The following NDUFA10 variants were observed in gnomAD, a reference collection of about 807,000 sequenced individuals.
NDUFA10 encodes NADH dehydrogenase [ubiquinone] 1 alpha subcomplex subunit 10, mitochondrial.
In NDUFA10, 40 loss-of-function variants were observed where a neutral mutation model predicts 47.8. The ratio of observed to expected loss-of-function variants is 0.84; its 90% CI spans 0.65 to 1.09. The LOEUF is 1.09. Among genes scored for constraint, NDUFA10 ranks in the 50% least tolerant of loss-of-function variants. The pLI, the probability that NDUFA10 is intolerant of heterozygous loss-of-function variation, is 0.00. For synonymous variants in NDUFA10, 183 were observed against 172.2 expected (o/e 1.06, Z -0.49); for missense variants, 413 against 451.1 (o/e 0.92, Z 0.76).
intron 8 of NDUFA10, among the ~76,000 whole-genome samples, chr2:239,991,528 G>A (rs1319450311): frequency 1.3e-5 from 2 of 152,184 alleles, no homozygotes; most frequent in East Asian, 3.8e-4. Context: ...AAGCAAAACA[G>A]AAAGTTTGTG....
intron 9 of NDUFA10, among the ~76,000 whole-genome samples, chr2:239,965,320 C>A (rs975645504): frequency 7.2e-5 from 11 of 152,022 alleles, no homozygotes; most frequent in African/African-American, 2.7e-4. Flanking sequence ...GGGAGGGGTT[C>A]ATTTGCAGCA....
chr2:239,955,575 G>T (rs971081027), downstream of NDUFA10, among the ~76,000 whole-genome samples: 11 of 152,154 alleles, frequency 7.2e-5, no homozygotes, highest in Non-Finnish European at 1.6e-4. Flanking sequence ...GTTGGCACGC[G>T]AGGCAAAAGG....
intron 3 of NDUFA10, among the ~76,000 whole-genome samples, chr2:240,020,587 T>C (rs962702142): frequency 1.3e-5 from 2 of 152,196 alleles, no homozygotes; most frequent in Non-Finnish European, 2.9e-5. Flanking sequence ...CTCCTAACTA[T>C]ACTTTCTGAT....
chr2:240,022,300 C>G lies in NDUFA10; in HGVS notation c.116G>C (p.Gly39Ala). The G allele has an allele frequency of 6.2e-7, 1 of 1,614,060 alleles. No individual in the cohort carries two copies. Among genetic ancestry groups the G allele is most frequent in the Non-Finnish European group, 8.5e-7 (1 of 1,180,014 alleles). ...HSSVQCKLRYGMWHFLLGDKA... is the reference protein window; with the variant it reads ...HSSVQCKLRYAMWHFLLGDKA... ...ATCCCCAAGTAGGAAATGCCACATT[C>G]CATAGCGCAGTTTGCACTGCACACT... The change falls in exon 2 of 10, where the codon GGA (glycine) becomes GCA (alanine). Residue 39 changes from glycine (G) to alanine (A), a missense_variant. Coordinates refer to ENST00000252711, the MANE Select transcript of NDUFA10 (RefSeq NM_004544.4).
chr2:239,931,591 G>T (rs1694175267), intron 4 of NDUFA10, among the ~76,000 whole-genome samples: 1 of 152,204 alleles, frequency 6.6e-6, no homozygotes, highest in Admixed American at 6.5e-5. Context: ...GTGCCCTCCA[G>T]ATCTCCAAGC....
At chr2:239,980,972 G>A (rs949540134) in intron 9 of NDUFA10, among the ~76,000 whole-genome samples, 1 of 152,198 alleles carries the variant, frequency 6.6e-6, no homozygotes, top group Non-Finnish European at 1.5e-5. Context: ...TCTCCACACA[G>A]GTTCGAGGGT....
At chr2:240,010,740 T>A (rs1021799114) in intron 6 of NDUFA10, among the ~76,000 whole-genome samples, 2 of 152,188 alleles carry the variant, frequency 1.3e-5, no homozygotes, top group East Asian at 3.8e-4. Context: ...ACTTTTGATT[T>A]TATTATTACC....
rs144590599 is a variant in NDUFA10, at chr2:239,959,203, C to T, written c.*1915G>A. On this transcript the variant is annotated 3_prime_UTR_variant, in exon 10 of 10. Coordinates refer to ENST00000252711, the MANE Select transcript of NDUFA10 (RefSeq NM_004544.4). ...AACCACACAGGGTCAGACGCAAACA[C>T]AGGGGATGATCAGAGCACCCGAGTC... 946 of 709,500 alleles carry T rather than the reference C, an allele frequency of 1.3e-3. 1 individual carries two copies. Among genetic ancestry groups the T allele is most frequent in the Middle Eastern group, 3.5e-3 (5 of 1,422 alleles). The allele number at this position is 709,500 out of a possible 1,614,324, so 44.0% of individuals were successfully genotyped here.
At chr2:239,986,138 T>C (rs1306543071) in intron 9 of NDUFA10, among the ~76,000 whole-genome samples, 1 of 152,164 alleles carries the variant, frequency 6.6e-6, no homozygotes, top group Non-Finnish European at 1.5e-5. Flanking sequence ...GAAGAGGAAC[T>C]ACCATTAGAA....
At chr2:239,964,051 G>A (rs911143648) in intron 9 of NDUFA10, among the ~76,000 whole-genome samples, 1 of 152,210 alleles carries the variant, frequency 6.6e-6, no homozygotes, top group Non-Finnish European at 1.5e-5. Flanking sequence ...GCCAGGTAAT[G>A]GCACGTATGT....
intron 4 of NDUFA10, among the ~76,000 whole-genome samples, chr2:239,936,724 G>A (rs774208370): frequency 5.3e-5 from 8 of 152,160 alleles, no homozygotes; most frequent in Admixed American, 2.6e-4. Context: ...AGGCCCAGGC[G>A]GGTGGATCAC....
intron 4 of NDUFA10, among the ~76,000 whole-genome samples, chr2:239,940,519 T>C (rs7608449): frequency 0.1 from 15,278 of 152,318 alleles, 827 homozygotes; most frequent in Admixed American, 0.13. Flanking sequence ...ATGCTATTCT[T>C]TGATAAATTT....
chr2:240,019,768 G>A (rs1482856770), intron 3 of NDUFA10, among the ~76,000 whole-genome samples: 3 of 97,708 alleles, frequency 3.1e-5, no homozygotes, highest in African/African-American at 4.1e-5. Flanking sequence ...GCAGTGAGCC[G>A]AGATCCCGCC....
intron 4 of NDUFA10, among the ~76,000 whole-genome samples, chr2:239,909,808 G>A (rs1693718103): frequency 6.6e-6 from 1 of 152,100 alleles, no homozygotes; most frequent in East Asian, 1.9e-4. Context: ...TCATCAGAGT[G>A]AACAGGCAAC....
Position 240,011,616 on chromosome 2 carries a change from C to T in NDUFA10, c.749+1G>A, listed in dbSNP as rs1284270741. 6.2e-7 allele frequency: 1 copy of T among 1,608,940 alleles called. No individual in the cohort carries two copies. Among genetic ancestry groups the T allele is most frequent in the East Asian group, 2.2e-5 (1 of 44,858 alleles). On this transcript the variant is annotated splice_donor_variant, in intron 6 of 9. Coordinates refer to ENST00000252711, the MANE Select transcript of NDUFA10 (RefSeq NM_004544.4). LOFTEE classifies it high-confidence loss of function. The stretch of plus-strand genomic sequence containing the variant: ...GTAAATCAGTCGTGTGTTTGGCTCA[C>T]CTCATCTCAGGGAGAAAGGTTTTCT...
intron 4 of NDUFA10, among the ~76,000 whole-genome samples, chr2:239,948,238 C>T (rs1038026019): frequency 6.6e-6 from 1 of 152,266 alleles, no homozygotes; most frequent in East Asian, 1.9e-4. Flanking sequence ...GCCTCAGCCA[C>T]GCATTCCAGA....
chr2:240,018,813 T>A (rs1012368016), intron 3 of NDUFA10, among the ~76,000 whole-genome samples, 174 bp from the exon 4 acceptor site: 4 of 152,222 alleles, frequency 2.6e-5, no homozygotes, highest in Non-Finnish European at 5.9e-5. Flanking sequence ...TTTCAAAAAC[T>A]GAAGTATCTT....
intron 4 of NDUFA10, among the ~76,000 whole-genome samples, chr2:239,904,262 CTTCTT>C (rs1027458513): frequency 6.6e-6 from 1 of 152,094 alleles, no homozygotes; most frequent in African/African-American, 2.4e-5. Context: ...CTTTCTTCTT[CTTCTT>C]TTTTCTTTTT....
chr2:239,972,076 T>C (rs986732566), intron 9 of NDUFA10, among the ~76,000 whole-genome samples: 13 of 152,136 alleles, frequency 8.5e-5, no homozygotes, highest in Admixed American at 5.9e-4. Flanking sequence ...TATATCCTAG[T>C]AGTCACCTCA....
Sources: gnomAD v4.1 joint callset for allele counts (sites outside exome capture counted in the v4.1 genomes callset) on GRCh38, gnomAD v4.1.1 for gene constraint, MANE v1.5 for transcripts, NCBI Gene and HGNC (gene_info 2026-07-23, HGNC 2026-07-21) for gene names.